Variants in KAZN observed in about 807,000 individuals in gnomAD.
The protein encoded by KAZN is kazrin.
KAZN carries 40 observed loss-of-function variants against 87.4 expected under a neutral mutation model. The observed-to-expected ratio is 0.46, with a 90% confidence interval of 0.36 to 0.60. KAZN has a LOEUF of 0.60. Ranked by LOEUF, KAZN falls within the 20% of genes least tolerant of loss-of-function variation. The pLI is 0.00. For synonymous variants in KAZN, 466 were observed against 458.3 expected (o/e 1.02, Z -0.22); for missense variants, 898 against 1,073.9 (o/e 0.84, Z 2.29).
At chr1:13,968,137 G>GGAAGCCCGGGGTCCTGC (rs1642010541) in intron 1 of KAZN, among the ~76,000 whole-genome samples, 1 of 152,152 alleles carries the variant, frequency 6.6e-6, no homozygotes, top group South Asian at 2.1e-4. Flanking sequence ...CCTGGTACTG[G>GGAAGCCCGGGGTCCTGC]GAAGCCCGGG....
At chr1:14,437,977 T>C (rs998423726) in intron 2 of KAZN, among the ~76,000 whole-genome samples, 1 of 152,118 alleles carries the variant, frequency 6.6e-6, no homozygotes, top group Non-Finnish European at 1.5e-5. Flanking sequence ...ATTGGTGAAC[T>C]TCTGAAAGCA....
chr1:13,915,037 T>G (rs1323564725), intron 1 of KAZN, among the ~76,000 whole-genome samples: 1 of 152,156 alleles, frequency 6.6e-6, no homozygotes, highest in Non-Finnish European at 1.5e-5. Flanking sequence ...AGCTGCTAAG[T>G]TAGTGGTGAT....
At chr1:14,920,990 T>G (rs1266891994) in intron 1 of KAZN, among the ~76,000 whole-genome samples, 1 of 152,082 alleles carries the variant, frequency 6.6e-6, no homozygotes, top group Non-Finnish European at 1.5e-5. Flanking sequence ...TCTGATAGGT[T>G]CCTAACTGCC....
At chr1:14,574,153 G>C (rs1479989784) in intron 2 of KAZN, among the ~76,000 whole-genome samples, 2 of 152,138 alleles carry the variant, frequency 1.3e-5, no homozygotes, top group Non-Finnish European at 1.5e-5. Flanking sequence ...GGCTGAACAG[G>C]AAGGAAGAAA....
intron 1 of KAZN, among the ~76,000 whole-genome samples, chr1:13,948,371 T>G (rs1443028885): frequency 1.3e-5 from 2 of 152,342 alleles, no homozygotes; most frequent in East Asian, 3.9e-4. Context: ...CAAGATCTGA[T>G]GGTTTTATAA....
Position 14,621,013 on chromosome 1 carries a change from C to A in KAZN, c.226+21790C>A, listed in dbSNP as rs146347921. 8.2e-3 allele frequency among the ~76,000 whole-genome samples: 1,242 copies of A among 152,294 alleles called. 17 individuals carry two copies. Among genetic ancestry groups the A allele is most frequent in the African/African-American group, 0.029 (1,191 of 41,554 alleles). The stretch of plus-strand genomic sequence containing the variant: ...TCACATCAGCCTCCCCATGTAGGAA[C>A]TTGCTGGCTGGCCACAGAGCAGATA... On this transcript the variant is annotated intron_variant, in intron 1 of 14. Coordinates refer to ENST00000376030, the MANE Select transcript of KAZN (RefSeq NM_201628.3).
chr1:14,306,520 C>G (rs1654941158), intron 2 of KAZN, among the ~76,000 whole-genome samples: 1 of 152,164 alleles, frequency 6.6e-6, no homozygotes, highest in Admixed American at 6.5e-5. Flanking sequence ...TGATTCTAAC[C>G]TATCTGGGCC....
chr1:14,150,884 G>A (rs1443961136), intron 1 of KAZN, among the ~76,000 whole-genome samples: 1 of 151,872 alleles, frequency 6.6e-6, no homozygotes, highest in Non-Finnish European at 1.5e-5. Context: ...TTTCAGTGTG[G>A]GAAATTTGGA....
At chr1:15,030,440 G>T (rs927228898) in intron 2 of KAZN, among the ~76,000 whole-genome samples, 1 of 152,070 alleles carries the variant, frequency 6.6e-6, no homozygotes, top group African/African-American at 2.4e-5. Flanking sequence ...GCTAATTTTT[G>T]TATTTTTAGT....
At chr1:14,308,503 T>C (rs1655079468) in intron 2 of KAZN, among the ~76,000 whole-genome samples, 1 of 152,194 alleles carries the variant, frequency 6.6e-6, no homozygotes, top group South Asian at 2.1e-4. Flanking sequence ...CATGAACAAT[T>C]CTTGTATTTT....
chr1:14,809,751 C>T (rs1245599574), intron 1 of KAZN, among the ~76,000 whole-genome samples: 1 of 152,146 alleles, frequency 6.6e-6, no homozygotes, highest in South Asian at 2.1e-4. Context: ...GGGTGGTAGG[C>T]ATTGCTGCAT....
At chr1:14,836,454 C>G (rs890068816) in intron 1 of KAZN, among the ~76,000 whole-genome samples, 20 of 152,300 alleles carry the variant, frequency 1.3e-4, no homozygotes, top group African/African-American at 4.6e-4. Context: ...CAAGTGGGAG[C>G]CACCAGATGT....
At chr1:14,898,743 C>T (rs919597637) in intron 1 of KAZN, among the ~76,000 whole-genome samples, 1 of 152,122 alleles carries the variant, frequency 6.6e-6, no homozygotes, top group African/African-American at 2.4e-5. Context: ...GCTTACAGAA[C>T]AGTCCCAATT....
chr1:14,164,399 C>G (rs1645774646), intron 1 of KAZN, among the ~76,000 whole-genome samples: 1 of 151,884 alleles, frequency 6.6e-6, no homozygotes, highest in Admixed American at 6.6e-5. Context: ...ATCCTTATGA[C>G]ATGGTGACCA....
chr1:13,990,916 T>A (rs547922757), intron 1 of KAZN, among the ~76,000 whole-genome samples: 1 of 152,324 alleles, frequency 6.6e-6, no homozygotes, highest in East Asian at 1.9e-4. Flanking sequence ...ATTTTCATAA[T>A]AAGATATTAA....
chr1:13,962,980 C>T (rs183854962), intron 1 of KAZN, among the ~76,000 whole-genome samples: 154 of 152,154 alleles, frequency 1.0e-3, no homozygotes, highest in African/African-American at 3.1e-3. Flanking sequence ...GTTCTGGTGA[C>T]GGAGAAGTCT....
At chr1:14,611,904 A>G (rs894099778) in intron 1 of KAZN, among the ~76,000 whole-genome samples, 3 of 152,182 alleles carry the variant, frequency 2.0e-5, no homozygotes, top group Admixed American at 6.5e-5. Context: ...TAAAATATTG[A>G]TTGCACTTCC....
At chr1:14,157,774 G>GT (rs1645626505) in intron 1 of KAZN, among the ~76,000 whole-genome samples, 1 of 152,140 alleles carries the variant, frequency 6.6e-6, no homozygotes, top group African/African-American at 2.4e-5. Context: ...AACAAAAGAG[G>GT]TTTAATTGAC....
rs946858680 is a variant in KAZN at position 14,173,989 on chromosome 1, A to G, written c.92-6446A>G. Among the ~76,000 whole-genome samples, 5 of 152,372 alleles carry G rather than the reference A, an allele frequency of 3.3e-5. No homozygotes were observed. In the East Asian group the frequency reaches 7.7e-4, roughly 23 times the overall value. ...TTACACAACCTAACACAGGGTGACC[A>G]GCATTGAATATTTGGTCTGTACATA... On this transcript the variant is annotated intron_variant, in intron 1 of 16. Coordinates refer to the KAZN transcript ENST00000636203.
Sources: allele counts gnomAD v4.1 joint callset (sites outside exome capture counted in the v4.1 genomes callset), GRCh38; gene constraint gnomAD v4.1.1; transcripts MANE v1.5; gene names NCBI Gene and HGNC (gene_info 2026-07-23, HGNC 2026-07-21).